KANSL1: variants seen among roughly 807,000 people sequenced by gnomAD.
KANSL1 encodes MLL1/MLL complex subunit KANSL1.
In KANSL1, 22 loss-of-function variants were observed where a neutral mutation model predicts 103.6. The observed-to-expected ratio is 0.21, with a 90% CI of 0.15 to 0.30. The LOEUF is 0.30. Among genes scored for constraint, KANSL1 ranks in the 10% least tolerant of loss-of-function variants. The probability of loss-of-function intolerance (pLI) is 1.00; values close to 1 mark genes in which losing one functional copy is unlikely to be tolerated. For synonymous variants in KANSL1, 600 were observed against 527.6 expected, an observed-to-expected ratio of 1.14 and a Z score of -1.88; for missense variants, 1,337 against 1,399.8, an observed-to-expected ratio of 0.96 and a Z score of 0.72.
intron 7 of KANSL1, 118 bp downstream of exon 7, chr17:46,050,415 T>G: frequency 1.9e-6 from 2 of 1,048,734 alleles, no homozygotes; most frequent in Non-Finnish European, 2.7e-6. Flanking sequence ...AAGACTTGGT[T>G]GACGAAAGTT....
chr17:46,049,747 G>C (rs925491682), intron 7 of KANSL1: 2 of 152,290 alleles, frequency 1.3e-5, no homozygotes, highest in South Asian at 2.1e-4. Context: ...GTCAGACACA[G>C]AGATTTAACA....
intron 1 of KANSL1, among the ~76,000 whole-genome samples, chr17:46,189,699 C>T (rs2047214226): frequency 6.6e-6 from 1 of 152,106 alleles, no homozygotes; most frequent in African/African-American, 2.4e-5. Context: ...GCCTGGCCAA[C>T]ATGGTGAAAC....
intron 2 of KANSL1, among the ~76,000 whole-genome samples, chr17:46,105,436 GTGAAACCCCGTCTC>G (rs1295746800): frequency 6.6e-6 from 1 of 152,014 alleles, no homozygotes; most frequent in African/African-American, 2.4e-5. Context: ...GACCAACATG[GTGAAACCCCGTCTC>G]TACTAAAAAT....
intron 3 of KANSL1, among the ~76,000 whole-genome samples, chr17:46,083,378 A>G (rs1338003412): frequency 6.6e-6 from 1 of 152,286 alleles, no homozygotes; most frequent in East Asian, 1.9e-4. Flanking sequence ...TCTCTGGTCT[A>G]AAAAATAGAG....
At chr17:46,139,401 G>A (rs1362955328) in intron 2 of KANSL1, among the ~76,000 whole-genome samples, 2 of 152,008 alleles carry the variant, frequency 1.3e-5, no homozygotes, top group Non-Finnish European at 2.9e-5. Context: ...TTCCCTCAAG[G>A]TGAAGTTACT....
upstream of KANSL1, among the ~76,000 whole-genome samples, chr17:46,194,306 T>TCA (rs1176628537): frequency 1.3e-5 from 2 of 152,276 alleles, no homozygotes; most frequent in Non-Finnish European, 1.5e-5. Flanking sequence ...AAAAGGAAGT[T>TCA]CACTGCCATG....
chr17:46,059,685 C>A (rs1019708815), intron 6 of KANSL1, among the ~76,000 whole-genome samples: 1 of 141,124 alleles, frequency 7.1e-6, no homozygotes, highest in Admixed American at 7.1e-5. Context: ...CTGATCAACA[C>A]ATGTTCTCAG....
rs537118422 is a variant in KANSL1, at chr17:46,181,786, C to A, written c.-89-9554G>T. Reference sequence around the variant, plus strand: ...TTCAAGATGAAACTTAACGTCAGGGCAAGCACATCAATTGATACGGACCCA... The same window carrying A: ...TTCAAGATGAAACTTAACGTCAGGGAAAGCACATCAATTGATACGGACCCA... On this transcript the variant is annotated intron_variant, in intron 1 of 14. Transcript: ENST00000432791. Among the ~76,000 whole-genome samples the A allele has an allele frequency of 5.1e-4, 77 of 152,318 alleles. 1 individual carries two copies. Among genetic ancestry groups the A allele is most frequent in the African/African-American group, 1.8e-3 (74 of 41,552 alleles).
chr17:46,087,004 G>C (rs1422218451), intron 3 of KANSL1, among the ~76,000 whole-genome samples: 1 of 152,106 alleles, frequency 6.6e-6, no homozygotes, highest in Admixed American at 6.6e-5. Context: ...TTGGGGCCAA[G>C]AGATCTACCC....
intron 6 of KANSL1, among the ~76,000 whole-genome samples, chr17:46,059,647 AAGAGAGAG>A (rs56065215): frequency 3.6e-5 from 2 of 54,830 alleles, no homozygotes; most frequent in East Asian, 6.9e-4. Flanking sequence ...AAAAAAAAAA[AAGAGAGAG>A]AGAGAGAGAG....
chr17:46,074,789 A>G (rs1024227050), intron 4 of KANSL1, among the ~76,000 whole-genome samples: 1 of 151,050 alleles, frequency 6.6e-6, no homozygotes, highest in Admixed American at 6.6e-5. Flanking sequence ...ATAAATAAAT[A>G]AATAAATAAA....
Position 46,099,353 on chromosome 17 carries a change from A to C in KANSL1, c.1290-4652T>G, listed in dbSNP as rs1421458663. Among the ~76,000 whole-genome samples the C allele has an allele frequency of 5.9e-5, 9 of 151,988 alleles. 1 individual carries two copies. Among genetic ancestry groups the C allele is most frequent in the Non-Finnish European group, 7.4e-5 (5 of 68,004 alleles). The stretch of plus-strand genomic sequence containing the variant: ...AAAAAAAAAACAAAACAAAAAAAAA[A>C]CAAATACAAGCTATATAAACTCAGC... On this transcript the variant is annotated intron_variant, in intron 2 of 14. Coordinates refer to ENST00000432791, the MANE Select transcript of KANSL1 (RefSeq NM_015443.4).
intron 2 of KANSL1, among the ~76,000 whole-genome samples, chr17:46,140,251 A>G (rs988791604): frequency 3.3e-5 from 5 of 152,248 alleles, no homozygotes; most frequent in East Asian, 3.8e-4. Context: ...TAAGCTGCAA[A>G]TAAGTTTCCA....
chr17:46,129,983 CAAGACCAGCCCGGGCAACATG>C (rs1020527197), intron 2 of KANSL1, among the ~76,000 whole-genome samples: 29 of 152,094 alleles, frequency 1.9e-4, no homozygotes, highest in Admixed American at 5.2e-4. Flanking sequence ...CCCAGGACAT[CAAGACCAGCCCGGGCAACATG>C]GTGAAATCCC....
chr17:46,139,628 C>T (rs1209276160), intron 2 of KANSL1, among the ~76,000 whole-genome samples: 2 of 152,222 alleles, frequency 1.3e-5, no homozygotes, highest in East Asian at 3.8e-4. Context: ...GCCTTGTGAC[C>T]TCGGGAAGTC....
chr17:46,105,892 CAGAGCAAGGCCTTG>C (rs879280578), intron 2 of KANSL1, among the ~76,000 whole-genome samples: 27,571 of 127,112 alleles, frequency 0.22, 4,597 homozygotes, highest in Non-Finnish European at 0.33. Context: ...CACACACACA[CAGAGCAAGGCCTTG>C]ACACACACAC....
intron 3 of KANSL1, among the ~76,000 whole-genome samples, chr17:46,084,759 AT>A (rs2079105135): frequency 1.3e-5 from 2 of 150,756 alleles, no homozygotes; most frequent in Admixed American, 1.3e-4. Context: ...GAGAAAGGCC[AT>A]TAACTAGTAA....
upstream of KANSL1, among the ~76,000 whole-genome samples, chr17:46,197,098 A>T (rs1252391962): frequency 1.3e-5 from 2 of 152,060 alleles, no homozygotes; most frequent in Non-Finnish European, 2.9e-5. Flanking sequence ...TGGGCAACAG[A>T]GCAACACCCC....
At chr17:46,153,175 A>G (rs191248680) in intron 2 of KANSL1, among the ~76,000 whole-genome samples, 3 of 152,326 alleles carry the variant, frequency 2.0e-5, no homozygotes, top group Admixed American at 1.3e-4. Context: ...ATTTACTAGG[A>G]AAGTGCAAAC....
Sources: gnomAD v4.1 joint callset for allele counts (sites outside exome capture counted in the v4.1 genomes callset) on GRCh38, gnomAD v4.1.1 for gene constraint, MANE v1.5 for transcripts, NCBI Gene and HGNC (gene_info 2026-07-23, HGNC 2026-07-21) for gene names.